The following AACS variants were observed in gnomAD, a reference collection of about 807,000 sequenced individuals.
AACS encodes acetoacetyl-CoA synthetase, also known as acetoacetate-CoA ligase.
Under a neutral mutation model 83.1 loss-of-function variants are expected in AACS, and 69 were observed. The observed-to-expected ratio is 0.83, with a 90% CI of 0.68 to 1.01. AACS has a LOEUF of 1.01. AACS is among the 50% of genes least tolerant of loss of function. AACS has a pLI of 0.00. For missense variants in AACS, 866 were observed against 882.2 expected (o/e 0.98, Z 0.23); for synonymous variants, 333 against 343.4 (o/e 0.97, Z 0.33).
chr12:125,088,743 G>C (rs993002990), intron 4 of AACS, among the ~76,000 whole-genome samples: 3 of 152,200 alleles, frequency 2.0e-5, no homozygotes, highest in Non-Finnish European at 2.9e-5. Context: ...GGACAGCCAA[G>C]GTCCCTGTGA....
chr12:125,138,378 C>T (rs982498680), intron 17 of AACS: 17 of 152,196 alleles, frequency 1.1e-4, no homozygotes, highest in Non-Finnish European at 4.4e-5. Context: ...TCTGTGGGGA[C>T]ACTGATGCTC....
intron 5 of AACS, among the ~76,000 whole-genome samples, chr12:125,099,091 G>A (rs1330737753): frequency 6.6e-6 from 1 of 152,214 alleles, no homozygotes; most frequent in Admixed American, 6.5e-5. Flanking sequence ...GTATCCTTCA[G>A]TTTCCAGCTG....
In AACS at chr12:125,091,203, C is replaced by T. The variant is rs886284974; in HGVS notation, c.473-223C>T. On this transcript the variant is annotated intron_variant, in intron 4 of 17. Transcript: ENST00000316519. ...GCAGAGGGAGGAGAGCCCACGGGGT[C>T]ATTGTCATCAGAGCATGGAGAATGG... The T allele has an allele frequency of 1.8e-5, 10 of 570,160 alleles. No individual in the cohort carries two copies. In the East Asian group the frequency reaches 3.0e-4, roughly 17 times the overall value. The allele number at this position is 570,160 out of a possible 1,614,324, so 35.3% of individuals were successfully genotyped here.
At chr12:125,091,549 G>GT in intron 5 of AACS, 26 bp downstream of exon 5, 1 of 1,610,956 alleles carries the variant, frequency 6.2e-7, no homozygotes, top group Non-Finnish European at 8.5e-7. Context: ...TGACAGAGGG[G>GT]GCACCCCTTG....
At position 125,088,017 on chromosome 12, in the gene AACS, A is replaced by T. The variant is rs114635365; in HGVS notation, c.472+1574A>T. ...GAAAAATGCATCCCACTCTTCCTGC[A>T]GCTGCTTTCATCATAGTCCTCATGG... On this transcript the variant is annotated intron_variant, in intron 4 of 17. Coordinates refer to ENST00000316519, the MANE Select transcript of AACS (RefSeq NM_023928.5). Among the ~76,000 whole-genome samples, 703 of 152,252 alleles carry T rather than the reference A, an allele frequency of 4.6e-3. 10 individuals carry two copies. Among genetic ancestry groups the T allele is most frequent in the African/African-American group, 0.016 (672 of 41,526 alleles).
At chr12:125,095,521 G>A (rs1044612516) in intron 5 of AACS, among the ~76,000 whole-genome samples, 1 of 152,160 alleles carries the variant, frequency 6.6e-6, no homozygotes, top group African/African-American at 2.4e-5. Context: ...GCTCTCCCAG[G>A]CTGGCTCTCT....
rs41521044 is a variant in AACS at position 125,107,238 on chromosome 12, C to A, written c.885C>A (p.Gly295=). The change falls in exon 8 of 18, where the codon GGC becomes GGA. Residue 295 remains glycine, a synonymous_variant. Transcript: ENST00000316519. The stretch of plus-strand genomic sequence containing the variant: ...TCATGTTCTCATCGGGCACCACGGG[C>A]GCACCCAAGTGCATGGTGCATTCCG... The part of the protein sequence containing the change: ...LFIMFSSGTT[G]APKCMVHSAG... 1 of 1,613,976 alleles carries A rather than the reference C, an allele frequency of 6.2e-7. No homozygotes were observed. The highest frequency in any genetic ancestry group is 2.2e-5 in the East Asian group (1 of 44,890).
chr12:125,067,466 GC>G (rs1955733616), intron 1 of AACS, among the ~76,000 whole-genome samples: 1 of 152,168 alleles, frequency 6.6e-6, no homozygotes, highest in Admixed American at 6.5e-5. Flanking sequence ...AGATCGGGCA[GC>G]CCTATTAGAT....
chr12:125,129,309 G>C lies in AACS; in HGVS notation c.1424-26G>C, dbSNP rs200675843. The C allele has an allele frequency of 6.2e-7, 1 of 1,604,466 alleles. No individual in the cohort carries two copies. Among genetic ancestry groups the C allele is most frequent in the East Asian group, 2.2e-5 (1 of 44,694 alleles). On this transcript the variant is annotated intron_variant, in intron 13 of 17. Coordinates refer to ENST00000316519, the MANE Select transcript of AACS (RefSeq NM_023928.5). This position sits in a 1 kb window ranked among gnomAD's most constrained non-coding sequence, Gnocchi z 4.3. ...GGTGTGTGGCTGTGGTGTGTGTTGGGCTTATTTTTAATTCTCCCATACCAG... is the reference window on the plus strand; with the variant it reads ...GGTGTGTGGCTGTGGTGTGTGTTGGCCTTATTTTTAATTCTCCCATACCAG...
chr12:125,065,792 T>C (rs1304175272), intron 1 of AACS, 75 bp downstream of exon 1: 9 of 1,414,454 alleles, frequency 6.4e-6, no homozygotes, highest in Non-Finnish European at 8.3e-6. Flanking sequence ...GGTCTCCCCA[T>C]GGCTAGTTTC....
chr12:125,106,590 A>G (rs958398573), intron 7 of AACS, among the ~76,000 whole-genome samples: 3 of 152,240 alleles, frequency 2.0e-5, no homozygotes, highest in African/African-American at 7.2e-5. Context: ...GGAAGGGCTC[A>G]TTAATCTAGC....
Position 125,140,465 on chromosome 12 carries a change from C to CACAGAGCAGGGCACA in AACS, c.1882-1627_1882-1626insACAGAGCAGGGCACA. Reference sequence around the variant, plus strand: ...GAAGCGTAGCAGGGCACAGAGCAGGCGAGACGTTTGCATCTCACAGCGGGA... The same window carrying CACAGAGCAGGGCACA: ...GAAGCGTAGCAGGGCACAGAGCAGGCACAGAGCAGGGCACAGAGACGTTTGCATCTCACAGCGGGA... On this transcript the variant is annotated intron_variant, in intron 17 of 17. Transcript: ENST00000316519. This position sits in a 1 kb window ranked among gnomAD's most constrained non-coding sequence, Gnocchi z 5.1. The CACAGAGCAGGGCACA allele has an allele frequency of 6.6e-6, 1 of 152,184 alleles. No homozygotes were observed. The highest frequency in any genetic ancestry group is 1.5e-5 in the Non-Finnish European group (1 of 68,044). The allele number at this position is 152,184 out of a possible 1,614,324, so 9.4% of individuals were successfully genotyped here. A position where few individuals can be genotyped will look rare whatever the true frequency, so the allele number is the denominator to read the frequency against.
chr12:125,087,265 T>C (rs745758841), intron 4 of AACS, among the ~76,000 whole-genome samples: 1 of 152,132 alleles, frequency 6.6e-6, no homozygotes, highest in Non-Finnish European at 1.5e-5. Flanking sequence ...CCTTGAGGCG[T>C]GGTTTGTCTT....
rs1452933419 is a variant in AACS at position 125,094,389 on chromosome 12, G to T, written c.570+2866G>T. Among the ~76,000 whole-genome samples the T allele has an allele frequency of 1.3e-5, 2 of 152,174 alleles. No individual in the cohort carries two copies. Among genetic ancestry groups the T allele is most frequent in the African/African-American group, 4.8e-5 (2 of 41,432 alleles). On this transcript the variant is annotated intron_variant, in intron 5 of 17. Coordinates refer to ENST00000316519, the MANE Select transcript of AACS (RefSeq NM_023928.5). The surrounding 1 kb of genome is among the most constrained non-coding windows in gnomAD (Gnocchi z 4.1). Reference sequence around the variant, plus strand: ...TCAGAGAATATCGTAAAGGGAAATTGCCACTCTCCTACAAATCCTGTGTTG... The same window carrying T: ...TCAGAGAATATCGTAAAGGGAAATTTCCACTCTCCTACAAATCCTGTGTTG...
intron 1 of AACS, among the ~76,000 whole-genome samples, chr12:125,069,181 G>A (rs751519065): frequency 2.0e-5 from 3 of 152,154 alleles, no homozygotes; most frequent in Admixed American, 1.3e-4. Flanking sequence ...CCGCGAACTC[G>A]TATCCTCTCC....
At chr12:125,084,869 AC>A (rs1254863417) in intron 3 of AACS, among the ~76,000 whole-genome samples, 2 of 152,082 alleles carry the variant, frequency 1.3e-5, no homozygotes, top group African/African-American at 4.8e-5. Flanking sequence ...GGCATGAGCC[AC>A]CCTGCCTAGC....
At chr12:125,091,967 C>T (rs1956495821) in intron 5 of AACS, among the ~76,000 whole-genome samples, 1 of 152,238 alleles carries the variant, frequency 6.6e-6, no homozygotes, top group African/African-American at 2.4e-5. Flanking sequence ...TCCTCTGGAC[C>T]CGTACTGTGT....
intron 3 of AACS, 81 bp downstream of exon 3, chr12:125,076,692 A>G (rs1012773824): frequency 1.9e-6 from 3 of 1,569,666 alleles, no homozygotes; most frequent in Non-Finnish European, 2.6e-6. Flanking sequence ...ATATTTGGAG[A>G]GATAGGATTT....
In AACS at chr12:125,136,884, G is replaced by C. The variant is rs765113775; in HGVS notation, c.1881+20G>C. The C allele has an allele frequency of 1.9e-6, 3 of 1,609,956 alleles. No homozygotes were observed. In the Admixed American group the frequency reaches 5.0e-5, roughly 27 times the overall value. On this transcript the variant is annotated intron_variant, in intron 17 of 17. Transcript: ENST00000316519. ...ATCCCGGTATGGCCATCTCCCGCCA[G>C]CGAGGAGACCGCAGCCATCGCCCCA...
Sources: allele counts gnomAD v4.1 joint callset (sites outside exome capture counted in the v4.1 genomes callset), GRCh38; gene constraint gnomAD v4.1.1; non-coding constraint Gnocchi (gnomAD v3.1); transcripts MANE v1.5; gene names NCBI Gene and HGNC (gene_info 2026-07-23, HGNC 2026-07-21).